The following STARD13 variants were observed in gnomAD, a reference collection of about 807,000 sequenced individuals.
STARD13 encodes the protein StAR related lipid transfer domain containing 13.
In STARD13, 62 loss-of-function variants were observed where a neutral mutation model predicts 106.4. The observed-to-expected ratio is 0.58, with a 90% CI of 0.48 to 0.72. STARD13 has a LOEUF of 0.72. Ranked by LOEUF, STARD13 falls within the 30% of genes least tolerant of loss-of-function variation. The pLI, the probability that STARD13 is intolerant of heterozygous loss-of-function variation, is 0.00. For synonymous variants in STARD13, 565 were observed against 553.0 expected, an observed-to-expected ratio of 1.02 and a Z score of -0.31; for missense variants, 1,387 against 1,424.0, an observed-to-expected ratio of 0.97 and a Z score of 0.42.
the STARD13 span, among the ~76,000 whole-genome samples, chr13:33,472,905 T>C: frequency 1.3e-5 from 2 of 151,962 alleles, no homozygotes; most frequent in Non-Finnish European, 2.9e-5. Context: ...GATTCAAAGT[T>C]AACTGGAGAG....
the STARD13 span, among the ~76,000 whole-genome samples, chr13:33,392,333 G>T: frequency 6.6e-6 from 1 of 152,166 alleles, no homozygotes; most frequent in African/African-American, 2.4e-5. Context: ...GCCTTTGGAT[G>T]TGAAGGATGC....
In STARD13 at chr13:33,129,923, T is replaced by C. The variant is rs745482101; in HGVS notation, c.754A>G (p.Thr252Ala). The C allele has an allele frequency of 2.5e-6, 4 of 1,613,550 alleles. No homozygotes were observed. Among genetic ancestry groups the C allele is most frequent in the Non-Finnish European group, 3.4e-6 (4 of 1,180,004 alleles). The change falls in exon 5 of 14, where the codon ACG becomes GCG. Residue 252 changes from threonine (T) to alanine (A), a missense_variant. Physicochemically the swap from Thr to Ala is moderately conservative, Grantham distance 58. Transcript: ENST00000336934. ...AAAAATGATTTGGCCCTAGCCCTCGTGGGCTTCTCATTCTTGGGGTGGAAG... is the reference window on the plus strand; with the variant it reads ...AAAAATGATTTGGCCCTAGCCCTCGCGGGCTTCTCATTCTTGGGGTGGAAG... ...HPFHPKNEKP[T>A]RARAKSFLKR...
chr13:33,349,212 T>C (rs1181340574), exon 2 of STARD13: 1 of 702,256 alleles, frequency 1.4e-6, no homozygotes, highest in Non-Finnish European at 2.6e-6. Flanking sequence ...GCTCAAGAGA[T>C]AGTCCTGGAG....
intron 7 of STARD13, among the ~76,000 whole-genome samples, chr13:33,123,606 A>G (rs1876695601): frequency 6.6e-6 from 1 of 152,216 alleles, no homozygotes; most frequent in African/African-American, 2.4e-5. Context: ...CTTACACACT[A>G]CTATGTCTGA....
chr13:33,365,631 A>T, the STARD13 span, among the ~76,000 whole-genome samples: 1 of 152,188 alleles, frequency 6.6e-6, no homozygotes. Context: ...GGCTTTGTGG[A>T]TGAATAGTGG....
In STARD13 at chr13:33,128,704, C is replaced by A. The variant is rs569885477; in HGVS notation, c.1748+225G>T. 9.5e-4 allele frequency among the ~76,000 whole-genome samples: 145 copies of A among 152,146 alleles called. 1 individual carries two copies. In the Middle Eastern group the frequency reaches 0.017, roughly 18 times the overall value. ...AAATATTTTTGGATAAAACTAGGAA[C>A]AAAATAAAGGATAAGCACAAATAAA... On this transcript the variant is annotated intron_variant, in intron 5 of 13. Transcript: ENST00000336934.
intron 1 of STARD13, among the ~76,000 whole-genome samples, chr13:33,271,792 C>A (rs1891176499): frequency 6.6e-6 from 1 of 151,040 alleles, no homozygotes; most frequent in Non-Finnish European, 1.5e-5. Context: ...GAGAACCAAC[C>A]AGGTCTATAA....
the STARD13 span, among the ~76,000 whole-genome samples, chr13:33,522,213 T>C: frequency 6.6e-6 from 1 of 152,072 alleles, no homozygotes. Context: ...CAAAATAAAC[T>C]TCACTTTTTA....
chr13:33,291,058 G>A (rs768041630), intron 1 of STARD13, among the ~76,000 whole-genome samples: 3 of 152,178 alleles, frequency 2.0e-5, no homozygotes, highest in Non-Finnish European at 4.4e-5. Flanking sequence ...ATAAAGTTTT[G>A]ACATCTTGAA....
intron 1 of STARD13, among the ~76,000 whole-genome samples, chr13:33,316,288 C>T (rs1280051658): frequency 6.6e-6 from 1 of 152,150 alleles, no homozygotes; most frequent in East Asian, 1.9e-4. Flanking sequence ...TTCCATTCAG[C>T]CTTCAAAACA....
the STARD13 span, among the ~76,000 whole-genome samples, chr13:33,609,689 C>T: frequency 6.6e-6 from 1 of 151,908 alleles, no homozygotes; most frequent in Non-Finnish European, 1.5e-5. Flanking sequence ...GCCTCAGCCT[C>T]CCAAATAGCT....
the STARD13 span, among the ~76,000 whole-genome samples, chr13:33,576,674 T>C: frequency 6.6e-6 from 1 of 152,194 alleles, no homozygotes; most frequent in Non-Finnish European, 1.5e-5. Flanking sequence ...ATATTATTCT[T>C]CTCAGTTACA....
At chr13:33,316,028 T>C (rs954041010) in intron 1 of STARD13, among the ~76,000 whole-genome samples, 8 of 152,230 alleles carry the variant, frequency 5.3e-5, no homozygotes, top group Non-Finnish European at 7.3e-5. Context: ...CTCAGATCTA[T>C]GGAAGCATTG....
chr13:33,198,068 G>GCT (rs34996707), intron 1 of STARD13, among the ~76,000 whole-genome samples: 79,118 of 151,422 alleles, frequency 0.52, 21,597 homozygotes, highest in African/African-American at 0.69. Flanking sequence ...TACTTAGGAG[G>GCT]GAGGCAGGAG....
intron 1 of STARD13, among the ~76,000 whole-genome samples, chr13:33,245,609 A>G (rs1889783708): frequency 6.6e-6 from 1 of 152,226 alleles, no homozygotes; most frequent in Admixed American, 6.5e-5. Flanking sequence ...TACAAATTGT[A>G]TAATGTTCCC....
At chr13:33,518,009 A>AAAC in the STARD13 span, among the ~76,000 whole-genome samples, 109 of 150,458 alleles carry the variant, frequency 7.2e-4, no homozygotes, top group South Asian at 2.8e-3. Flanking sequence ...TGGCAAAAAC[A>AAAC]AACAACAACA....
the STARD13 span, among the ~76,000 whole-genome samples, chr13:33,546,581 T>C: frequency 2.6e-5 from 4 of 152,190 alleles, no homozygotes; most frequent in Non-Finnish European, 4.4e-5. Context: ...ACTATTCTGC[T>C]AAACTCATTT....
chr13:33,462,033 T>A, the STARD13 span, among the ~76,000 whole-genome samples: 2 of 152,216 alleles, frequency 1.3e-5, no homozygotes, highest in Non-Finnish European at 2.9e-5. Context: ...TCTCTCCATA[T>A]TAACACTTTC....
the STARD13 span, among the ~76,000 whole-genome samples, chr13:33,506,130 G>A: frequency 6.6e-6 from 1 of 152,236 alleles, no homozygotes; most frequent in African/African-American, 2.4e-5. Flanking sequence ...TGATGAAGCA[G>A]TAAAAATTTG....
Sources: allele counts gnomAD v4.1 joint callset (sites outside exome capture counted in the v4.1 genomes callset), GRCh38; gene constraint gnomAD v4.1.1; transcripts MANE v1.5; gene names NCBI Gene and HGNC (gene_info 2026-07-23, HGNC 2026-07-21).